The following STARD13 variants were observed in gnomAD, a reference collection of about 807,000 sequenced individuals.
The protein encoded by STARD13 is stAR-related lipid transfer protein 13.
A neutral mutation model predicts 106.4 loss-of-function variants in STARD13; 62 were observed. The ratio of observed to expected loss-of-function variants is 0.58; its 90% CI spans 0.48 to 0.72. The LOEUF (loss-of-function observed/expected upper bound fraction) is 0.72, where lower values mean the gene tolerates loss of function less well. Ranked by LOEUF, STARD13 falls within the 30% of genes least tolerant of loss-of-function variation. The pLI is 0.00. For missense variants in STARD13, 1,387 were observed against 1,424.0 expected, an observed-to-expected ratio of 0.97 and a Z score of 0.42; for synonymous variants, 565 against 553.0, an observed-to-expected ratio of 1.02 and a Z score of -0.31.
At chr13:33,576,025 CT>C in the STARD13 span, among the ~76,000 whole-genome samples, 9 of 152,040 alleles carry the variant, frequency 5.9e-5, no homozygotes, top group Non-Finnish European at 8.8e-5. Flanking sequence ...GATGACACAT[CT>C]TTTTCAATGT....
the STARD13 span, among the ~76,000 whole-genome samples, chr13:33,385,585 C>A: frequency 6.6e-5 from 10 of 150,774 alleles, no homozygotes; most frequent in South Asian, 2.1e-4. Flanking sequence ...CTTGGCTGGG[C>A]GCGGTGGCTC....
chr13:33,499,599 T>TCCTC, the STARD13 span, among the ~76,000 whole-genome samples: 2 of 67,934 alleles, frequency 2.9e-5, no homozygotes, highest in African/African-American at 5.9e-5. Context: ...TTCTTCTTCT[T>TCCTC]CTTCTTTCTT....
chr13:33,233,302 G>A (rs1889018892), intron 1 of STARD13, among the ~76,000 whole-genome samples: 1 of 152,126 alleles, frequency 6.6e-6, no homozygotes, highest in African/African-American at 2.4e-5. Flanking sequence ...TTTCTACACT[G>A]TCAGGCCCAC....
At chr13:33,590,648 A>G in the STARD13 span, among the ~76,000 whole-genome samples, 2 of 140,036 alleles carry the variant, frequency 1.4e-5, no homozygotes, top group East Asian at 4.4e-4. Flanking sequence ...GAATTGAACA[A>G]TGAGAACACT....
the STARD13 span, among the ~76,000 whole-genome samples, chr13:33,369,283 C>T: frequency 1.9e-3 from 282 of 152,070 alleles, 1 homozygote; most frequent in African/African-American, 6.1e-3. Context: ...CGTTTTTCTG[C>T]TGACACAGAT....
At position 33,126,064 on chromosome 13, in the gene STARD13, G is replaced by C; in HGVS notation, c.2082+17C>G. ...GTTGGGGGTGGTGGGGCAGCAGCGGGGGGGTTACAGCCCTACCTGATCGAG... is the reference window on the plus strand; with the variant it reads ...GTTGGGGGTGGTGGGGCAGCAGCGGCGGGGTTACAGCCCTACCTGATCGAG... On this transcript the variant is annotated intron_variant, in intron 7 of 13. Transcript: ENST00000336934. 1.9e-6 allele frequency: 3 copies of C among 1,611,980 alleles called. No homozygotes were observed. The highest frequency in any genetic ancestry group is 2.5e-6 in the Non-Finnish European group (3 of 1,178,974).
the STARD13 span, among the ~76,000 whole-genome samples, chr13:33,588,628 T>A: frequency 3.8e-4 from 58 of 152,320 alleles, no homozygotes; most frequent in Admixed American, 3.5e-3. Context: ...TCAGTACCAT[T>A]GTCATGATTG....
At chr13:33,187,414 G>A (rs1003994889) in intron 1 of STARD13, among the ~76,000 whole-genome samples, 7 of 152,198 alleles carry the variant, frequency 4.6e-5, no homozygotes, top group African/African-American at 1.7e-4. Flanking sequence ...ACTTCAGAAA[G>A]GGTGGAGAGT....
At chr13:33,361,327 A>C in the STARD13 span, among the ~76,000 whole-genome samples, 1 of 33,136 alleles carries the variant, frequency 3.0e-5, no homozygotes, top group African/African-American at 3.3e-5. Flanking sequence ...TATTGAAAGA[A>C]TATAATATAT....
intron 1 of STARD13, among the ~76,000 whole-genome samples, chr13:33,291,625 T>C (rs1395896935): frequency 6.6e-6 from 1 of 152,144 alleles, no homozygotes; most frequent in Non-Finnish European, 1.5e-5. Flanking sequence ...GTAAGTATAG[T>C]AGATACAAAG....
At chr13:33,657,671 T>C in the STARD13 span, among the ~76,000 whole-genome samples, 3 of 152,242 alleles carry the variant, frequency 2.0e-5, no homozygotes, top group Non-Finnish European at 4.4e-5. Flanking sequence ...ATTAACATCC[T>C]TCGAAATGTT....
At chr13:33,410,448 T>C in the STARD13 span, among the ~76,000 whole-genome samples, 1 of 152,216 alleles carries the variant, frequency 6.6e-6, no homozygotes, top group Non-Finnish European at 1.5e-5. Context: ...CTAAGTGCAT[T>C]TCCAACCATG....
At chr13:33,529,723 G>A in the STARD13 span, among the ~76,000 whole-genome samples, 5 of 152,178 alleles carry the variant, frequency 3.3e-5, no homozygotes, top group Non-Finnish European at 5.9e-5. Flanking sequence ...GTTCATAGAG[G>A]TGGTAACCTT....
the STARD13 span, among the ~76,000 whole-genome samples, chr13:33,382,533 G>T: frequency 1.3e-5 from 2 of 152,134 alleles, no homozygotes; most frequent in East Asian, 3.9e-4. Flanking sequence ...ATCTATGAAG[G>T]GAGGGACCCT....
At chr13:33,543,483 T>C in the STARD13 span, among the ~76,000 whole-genome samples, 2 of 150,644 alleles carry the variant, frequency 1.3e-5, no homozygotes, top group African/African-American at 4.9e-5. Context: ...CCTTTAATAA[T>C]GTTCTTTTTT....
chr13:33,147,643 A>G (rs1258939506), intron 3 of STARD13, among the ~76,000 whole-genome samples: 3 of 152,222 alleles, frequency 2.0e-5, no homozygotes, highest in East Asian at 3.8e-4. Context: ...AAGAGGTGCC[A>G]TATTACAATA....
Position 33,258,789 on chromosome 13 carries a change from C to T in STARD13, c.169+26681G>A, listed in dbSNP as rs564735675. 2.8e-3 allele frequency among the ~76,000 whole-genome samples: 423 copies of T among 152,342 alleles called. 2 individuals carry two copies. Among genetic ancestry groups the T allele is most frequent in the Non-Finnish European group, 4.3e-3 (293 of 68,030 alleles). On this transcript the variant is annotated intron_variant, in intron 1 of 13. Coordinates refer to ENST00000336934, the MANE Select transcript of STARD13 (RefSeq NM_178006.4). ...CCACAGTGACCTATCTAGGCCTTTG[C>T]TTCCATACAGAAAACAAGGTTTCTC...
chr13:33,171,351 T>C (rs1315505927), intron 1 of STARD13, among the ~76,000 whole-genome samples: 4 of 152,256 alleles, frequency 2.6e-5, no homozygotes, highest in Non-Finnish European at 5.9e-5. Flanking sequence ...CTACGGAGGT[T>C]ACTGTGCTGC....
At chr13:33,567,621 G>A in the STARD13 span, among the ~76,000 whole-genome samples, 46 of 143,006 alleles carry the variant, frequency 3.2e-4, 4 homozygotes, top group African/African-American at 1.1e-3. Context: ...TAGCATTGGA[G>A]CATTTTAGAA....
Sources: allele counts gnomAD v4.1 joint callset (sites outside exome capture counted in the v4.1 genomes callset), GRCh38; gene constraint gnomAD v4.1.1; transcripts MANE v1.5; gene names NCBI Gene and HGNC (gene_info 2026-07-23, HGNC 2026-07-21).